The following GRIP1 variants were observed in gnomAD, a reference collection of about 807,000 sequenced individuals.
The protein encoded by GRIP1 is glutamate receptor-interacting protein 1.
In GRIP1, 45 loss-of-function variants were observed where a neutral mutation model predicts 129.9. That is an observed-to-expected ratio of 0.35 (90% CI 0.27 to 0.44). The LOEUF is 0.44. Among genes scored for constraint, GRIP1 ranks in the 20% least tolerant of loss-of-function variants. The pLI, the probability that GRIP1 is intolerant of heterozygous loss-of-function variation, is 1.00. For synonymous variants in GRIP1, 530 were observed against 520.8 expected (o/e 1.02, Z -0.24); for missense variants, 1,196 against 1,396.8 (o/e 0.86, Z 2.29).
intron 1 of GRIP1, among the ~76,000 whole-genome samples, chr12:66,776,259 A>C (rs2037976472): frequency 6.6e-6 from 1 of 152,228 alleles, no homozygotes; most frequent in Non-Finnish European, 1.5e-5. Context: ...ATAGGTATCC[A>C]ATTCAGTCCT....
At position 66,878,770 on chromosome 12, in the gene GRIP1, T is replaced by C. The variant is rs529389878; in HGVS notation, c.58+190280A>G. The stretch of plus-strand genomic sequence containing the variant: ...AAGATAAACAAGAAAGAATATATAA[T>C]ATGTTATAGAGGAAGAAGTATCGCG... On this transcript the variant is annotated intron_variant, in intron 1 of 1. Transcript: ENST00000643019. Among the ~76,000 whole-genome samples the C allele has an allele frequency of 4.6e-5, 7 of 152,004 alleles. No homozygotes were observed. In the South Asian group the frequency reaches 1.2e-3, roughly 27 times the overall value.
At chr12:66,475,728 A>G (rs903955643) in intron 7 of GRIP1, among the ~76,000 whole-genome samples, 3 of 152,216 alleles carry the variant, frequency 2.0e-5, no homozygotes, top group African/African-American at 7.2e-5. Context: ...CTGAATGACT[A>G]CTGGGTACAT....
chr12:66,820,819 A>G (rs1460832392), intron 1 of GRIP1, among the ~76,000 whole-genome samples: 3 of 140,450 alleles, frequency 2.1e-5, no homozygotes, highest in Non-Finnish European at 4.6e-5. Context: ...GGAGACAATT[A>G]AAAAAAAAAA....
chr12:66,958,583 G>A (rs1364075791), intron 1 of GRIP1, among the ~76,000 whole-genome samples: 1 of 152,106 alleles, frequency 6.6e-6, no homozygotes, highest in Non-Finnish European at 1.5e-5. Context: ...TTGGGTCCTA[G>A]GTATATTCTA....
intron 11 of GRIP1, among the ~76,000 whole-genome samples, chr12:66,448,646 C>G (rs41422145): frequency 6.6e-6 from 1 of 152,156 alleles, no homozygotes; most frequent in Admixed American, 6.5e-5. Context: ...CACAAACTGT[C>G]TCATTGGCTC....
At chr12:66,866,938 T>A (rs2040216160) in intron 1 of GRIP1, among the ~76,000 whole-genome samples, 2 of 152,194 alleles carry the variant, frequency 1.3e-5, no homozygotes, top group South Asian at 4.1e-4. Context: ...CACAATTTTA[T>A]CTGTCAATTT....
At chr12:67,045,198 T>A (rs996554674) in intron 1 of GRIP1, among the ~76,000 whole-genome samples, 4 of 152,058 alleles carry the variant, frequency 2.6e-5, no homozygotes, top group African/African-American at 7.2e-5. Flanking sequence ...GAAGAGTGGG[T>A]AACTTTATTC....
chr12:66,673,629 C>T (rs182195189), intron 1 of GRIP1, among the ~76,000 whole-genome samples: 13 of 152,232 alleles, frequency 8.5e-5, no homozygotes, highest in Non-Finnish European at 1.8e-4. Flanking sequence ...GTTATATAAA[C>T]GAAAAGCTTC....
Position 66,596,976 on chromosome 12 carries a change from T to C in GRIP1, c.56-49A>G, listed in dbSNP as rs201109943. ...TGGTTAATTTCCATCCAGTTTCTAA[T>C]GCAGTGAAGATTTTTAACGGATTGC... On this transcript the variant is annotated intron_variant, in intron 1 of 24. Coordinates refer to ENST00000359742, the MANE Select transcript of GRIP1 (RefSeq NM_001366722.1). 424 of 1,229,132 alleles carry C rather than the reference T, an allele frequency of 3.4e-4. 6 individuals are homozygous for C. In the East Asian group the frequency reaches 8.8e-3, roughly 25 times the overall value. The allele number at this position is 1,229,132 out of a possible 1,614,324, so 76.1% of individuals were successfully genotyped here.
chr12:66,696,804 C>CAAAAAAAAAAA (rs35445606), intron 1 of GRIP1, among the ~76,000 whole-genome samples: 3 of 103,752 alleles, frequency 2.9e-5, no homozygotes, highest in African/African-American at 1.2e-4. Context: ...GACTCTGTCT[C>CAAAAAAAAAAA]AAAAAAAAAA....
chr12:66,973,974 G>A (rs1292625492), intron 1 of GRIP1, among the ~76,000 whole-genome samples: 1 of 145,542 alleles, frequency 6.9e-6, no homozygotes, highest in Non-Finnish European at 1.5e-5. Context: ...GACTGGAGTA[G>A]TGTAATGGCG....
chr12:66,524,552 A>C (rs1191212269), intron 5 of GRIP1, among the ~76,000 whole-genome samples: 2 of 152,052 alleles, frequency 1.3e-5, no homozygotes, highest in African/African-American at 4.8e-5. Flanking sequence ...AATTTATAGC[A>C]CTAAATGCCC....
At chr12:66,472,561 T>G (rs2059468112) in intron 7 of GRIP1, among the ~76,000 whole-genome samples, 2 of 152,074 alleles carry the variant, frequency 1.3e-5, no homozygotes, top group African/African-American at 4.8e-5. Context: ...ACAGCTCCAG[T>G]CTGCAGCTCG....
At chr12:66,450,177 G>A (rs143625342) in intron 11 of GRIP1, among the ~76,000 whole-genome samples, 19 of 151,426 alleles carry the variant, frequency 1.3e-4, no homozygotes, top group Non-Finnish European at 2.2e-4. Flanking sequence ...GGTGGCAGGC[G>A]CCTGTAGTCC....
At chr12:66,965,372 T>TTA in intron 1 of GRIP1, among the ~76,000 whole-genome samples, 1 of 152,174 alleles carries the variant, frequency 6.6e-6, no homozygotes, top group African/African-American at 2.4e-5. Flanking sequence ...AAAAAGATTC[T>TTA]GCCTTTTTGG....
At chr12:66,764,038 A>G (rs1305011972) in intron 1 of GRIP1, among the ~76,000 whole-genome samples, 1 of 152,216 alleles carries the variant, frequency 6.6e-6, no homozygotes, top group Non-Finnish European at 1.5e-5. Context: ...TGTGAACAAG[A>G]AAGCTGTGCA....
intron 1 of GRIP1, among the ~76,000 whole-genome samples, chr12:66,616,477 T>C (rs1460775973): frequency 6.6e-6 from 1 of 152,110 alleles, no homozygotes; most frequent in Non-Finnish European, 1.5e-5. Context: ...CTCTGTGACA[T>C]GTGCATGCAA....
At chr12:66,926,660 A>G (rs2137384525) in intron 1 of GRIP1, among the ~76,000 whole-genome samples, 2 of 152,342 alleles carry the variant, frequency 1.3e-5, no homozygotes, top group Non-Finnish European at 2.9e-5. Context: ...TTTGGTTAGT[A>G]GGCCTTCAAG....
At chr12:66,842,302 C>T (rs1181837782) in intron 1 of GRIP1, among the ~76,000 whole-genome samples, 1 of 151,604 alleles carries the variant, frequency 6.6e-6, no homozygotes, top group East Asian at 1.9e-4. Context: ...TTTATATATA[C>T]AATATAGAAT....
Sources: gnomAD v4.1 joint callset for allele counts (sites outside exome capture counted in the v4.1 genomes callset) on GRCh38, gnomAD v4.1.1 for gene constraint, MANE v1.5 for transcripts, NCBI Gene and HGNC (gene_info 2026-07-23, HGNC 2026-07-21) for gene names.